PCNX1: variants seen among roughly 807,000 people sequenced by gnomAD.
PCNX1 encodes pecanex 1, also known as pecanex-like protein 1.
Under a neutral mutation model 242.2 loss-of-function variants are expected in PCNX1, and 78 were observed. The observed-to-expected ratio is 0.32, with a 90% CI of 0.27 to 0.39. The LOEUF (loss-of-function observed/expected upper bound fraction) is 0.39, where lower values mean the gene tolerates loss of function less well. Ranked by LOEUF, PCNX1 falls within the 10% of genes least tolerant of loss-of-function variation. The pLI is 1.00. For synonymous variants in PCNX1, 1,024 were observed against 1,032.9 expected (o/e 0.99, Z 0.17); for missense variants, 2,581 against 2,856.5 (o/e 0.90, Z 2.20).
Position 71,033,439 on chromosome 14 carries a change from A to T in PCNX1, c.3569A>T (p.Asp1190Val). The change falls in exon 17 of 36, where the codon GAT becomes GTT. Residue 1190 changes from aspartate (D) to valine (V), a missense_variant. Transcript: ENST00000304743. ...TTCATTTTTCCGCAGGATTCTTGGGATGGCCAGCATATTCCAGTACTTTTC... is the reference window on the plus strand; with the variant it reads ...TTCATTTTTCCGCAGGATTCTTGGGTTGGCCAGCATATTCCAGTACTTTTC... The part of the protein sequence containing the change: ...LCYGALKDSW[D>V]GQHIPVLFSI... The T allele has an allele frequency of 1.3e-6, 2 of 1,575,740 alleles. No individual in the cohort carries two copies. The highest frequency in any genetic ancestry group is 1.7e-6 in the Non-Finnish European group (2 of 1,147,106).
At chr14:71,046,914 C>CA (rs745504538) in intron 20 of PCNX1, 50 bp from the exon 21 acceptor site, 1 of 1,448,610 alleles carries the variant, frequency 6.9e-7, no homozygotes, top group Non-Finnish European at 9.2e-7. Context: ...ATCACATTGA[C>CA]AAACTATACA....
intron 8 of PCNX1, among the ~76,000 whole-genome samples, chr14:71,006,416 A>G (rs1177768863): frequency 6.6e-6 from 1 of 151,970 alleles, no homozygotes. Flanking sequence ...TCCTTAAGTC[A>G]TGACAGAGGC....
rs2059043694 is a variant in PCNX1, at chr14:70,987,810, A to G, written c.2312-757A>G. 1.3e-5 allele frequency among the ~76,000 whole-genome samples: 2 copies of G among 152,338 alleles called. 1 individual carries two copies. The highest frequency in any genetic ancestry group is 4.1e-4 in the South Asian group (2 of 4,830). On this transcript the variant is annotated intron_variant, in intron 6 of 35. Coordinates refer to ENST00000304743, the MANE Select transcript of PCNX1 (RefSeq NM_014982.3). Reference sequence around the variant, plus strand: ...CTTTAGTACAAACTAAAAAAAGTACAAACAATAAAGTACAAACATTTTTGC... The same window carrying G: ...CTTTAGTACAAACTAAAAAAAGTACGAACAATAAAGTACAAACATTTTTGC...
At position 71,045,280 on chromosome 14, in the gene PCNX1, C is replaced by A; in HGVS notation, c.4015C>A (p.Arg1339=). The A allele has an allele frequency of 3.1e-6, 5 of 1,597,012 alleles. No individual in the cohort carries two copies. The highest frequency in any genetic ancestry group is 1.1e-5 in the South Asian group (1 of 87,822). The stretch of plus-strand genomic sequence containing the variant: ...ACTAGAGTATAATCAGTATGAAGTT[C>A]GAAGTAAGTATTTCATTAGCACTTT... ...KTLEYNQYEV[R]NAATMMWFEK... Residue 1339 remains arginine (R), a synonymous_variant, in exon 20 of 36, where the codon CGA becomes AGA. Coordinates refer to ENST00000304743, the MANE Select transcript of PCNX1 (RefSeq NM_014982.3).
At chr14:71,105,024 G>C (rs1053991871) in intron 32 of PCNX1, among the ~76,000 whole-genome samples, 1 of 152,200 alleles carries the variant, frequency 6.6e-6, no homozygotes, top group Non-Finnish European at 1.5e-5. Flanking sequence ...GCATATGAAA[G>C]ATTTGAGGCA....
intron 2 of PCNX1, among the ~76,000 whole-genome samples, chr14:70,959,227 T>C (rs2140448428): frequency 6.6e-6 from 1 of 151,576 alleles, no homozygotes; most frequent in Admixed American, 6.6e-5. Flanking sequence ...TTATCTTTTT[T>C]TTTTTTTAAT....
intron 8 of PCNX1, among the ~76,000 whole-genome samples, chr14:71,005,065 G>A (rs781544769): frequency 2.6e-5 from 4 of 152,164 alleles, no homozygotes; most frequent in African/African-American, 4.8e-5. Flanking sequence ...GGTGGTTAAA[G>A]AAGAAAATTA....
chr14:70,968,223 G>A lies in PCNX1; in HGVS notation c.494G>A (p.Gly165Glu), dbSNP rs1361310083. ...NQIGSGSSRL[G>E]TAATIKGDTD... ...ATTGGATCTGGTTCCTCGCGTCTTGGAACAGCAGCAACTATTAAAGGTAGG... is the reference window on the plus strand; with the variant it reads ...ATTGGATCTGGTTCCTCGCGTCTTGAAACAGCAGCAACTATTAAAGGTAGG... Residue 165 changes from glycine to glutamate, a missense_variant, in exon 4 of 36, where the codon GGA becomes GAA. Coordinates refer to ENST00000304743, the MANE Select transcript of PCNX1 (RefSeq NM_014982.3). 5 of 1,613,026 alleles carry A rather than the reference G, an allele frequency of 3.1e-6. No homozygotes were observed. Among genetic ancestry groups the A allele is most frequent in the Non-Finnish European group, 4.2e-6 (5 of 1,179,288 alleles).
chr14:71,003,813 C>T (rs569211982), intron 8 of PCNX1, among the ~76,000 whole-genome samples: 1 of 152,322 alleles, frequency 6.6e-6, no homozygotes, highest in Non-Finnish European at 1.5e-5. Flanking sequence ...TCTGTCTTTC[C>T]TTACCAGTCC....
At chr14:70,955,475 T>C (rs898635346) in intron 2 of PCNX1, among the ~76,000 whole-genome samples, 1 of 152,232 alleles carries the variant, frequency 6.6e-6, no homozygotes, top group African/African-American at 2.4e-5. Flanking sequence ...GCAATAAATA[T>C]GATACTAATA....
chr14:71,086,092 T>C (rs1379323584), intron 28 of PCNX1, among the ~76,000 whole-genome samples: 1 of 152,238 alleles, frequency 6.6e-6, no homozygotes, highest in East Asian at 1.9e-4. Context: ...TGAATTAATA[T>C]ACCAGTAATC....
chr14:71,110,975 CAGTT>C lies in PCNX1; in HGVS notation c.*1044_*1047del, dbSNP rs2062743519. 6.6e-6 allele frequency: 1 copy of C among 152,592 alleles called. No homozygotes were observed. The highest frequency in any genetic ancestry group is 2.1e-4 in the South Asian group (1 of 4,824). 9.5% of individuals were successfully genotyped at this position (152,592 alleles called of 1,614,324 possible). On this transcript the variant is annotated 3_prime_UTR_variant, in exon 36 of 36. Coordinates refer to ENST00000304743, the MANE Select transcript of PCNX1 (RefSeq NM_014982.3). The stretch of plus-strand genomic sequence containing the variant: ...CTCTTGAAGTTATTCACATGCAGTT[CAGTT>C]AGTCAAGTAAAATTTTTTTTCAAAT...
At chr14:70,976,527 C>T (rs2058695798) in intron 5 of PCNX1, among the ~76,000 whole-genome samples, 1 of 152,034 alleles carries the variant, frequency 6.6e-6, no homozygotes, top group South Asian at 2.1e-4. Flanking sequence ...CGCTCGCCAC[C>T]ACGCCCGGCT....
chr14:70,958,924 T>TTTTTTAA (rs1555348614), intron 2 of PCNX1, among the ~76,000 whole-genome samples: 1 of 141,088 alleles, frequency 7.1e-6, no homozygotes, highest in Non-Finnish European at 1.5e-5. Flanking sequence ...TTTTTTTTTT[T>TTTTTTAA]ACATAATCAG....
At chr14:71,007,785 A>T (rs931849223) in intron 8 of PCNX1, among the ~76,000 whole-genome samples, 1 of 151,960 alleles carries the variant, frequency 6.6e-6, no homozygotes. Flanking sequence ...GTGAGCCGGT[A>T]TTTTTTATTT....
intron 26 of PCNX1, among the ~76,000 whole-genome samples, chr14:71,066,188 A>G (rs1353914318): frequency 6.6e-6 from 1 of 152,200 alleles, no homozygotes; most frequent in East Asian, 1.9e-4. Flanking sequence ...CATTGAATCT[A>G]TAAATTACTT....
chr14:71,025,203 A>G (rs1434795818), intron 13 of PCNX1, among the ~76,000 whole-genome samples: 1 of 152,172 alleles, frequency 6.6e-6, no homozygotes. Context: ...GGATAAATGG[A>G]TGATTTTATT....
At chr14:70,928,829 A>G (rs535558837) in intron 1 of PCNX1, among the ~76,000 whole-genome samples, 8 of 152,168 alleles carry the variant, frequency 5.3e-5, no homozygotes, top group African/African-American at 1.9e-4. Flanking sequence ...ACATACCTCT[A>G]CCTTTCTGCT....
chr14:71,105,498 A>C (rs939611398), intron 33 of PCNX1, 58 bp downstream of exon 33: 7 of 1,309,302 alleles, frequency 5.3e-6, no homozygotes, highest in Admixed American at 1.7e-5. Flanking sequence ...GAGGCTGGTT[A>C]GTATATGTGT....
Sources: gnomAD v4.1 joint callset for allele counts (sites outside exome capture counted in the v4.1 genomes callset) on GRCh38, gnomAD v4.1.1 for gene constraint, MANE v1.5 for transcripts, NCBI Gene and HGNC (gene_info 2026-07-23, HGNC 2026-07-21) for gene names.